Variants in SIL1 observed in about 807,000 individuals in gnomAD.
SIL1 encodes the protein SIL1 nucleotide exchange factor.
In SIL1, 40 loss-of-function variants were observed where a neutral mutation model predicts 49.1. The ratio of observed to expected loss-of-function variants is 0.81; its 90% CI spans 0.63 to 1.06. SIL1 has a LOEUF of 1.06. SIL1 is among the 50% of genes least tolerant of loss of function. The pLI, the probability that SIL1 is intolerant of heterozygous loss-of-function variation, is 0.00. For synonymous variants in SIL1, 253 were observed against 250.8 expected, an observed-to-expected ratio of 1.01 and a Z score of -0.08; for missense variants, 500 against 572.6, an observed-to-expected ratio of 0.87 and a Z score of 1.29.
At chr5:138,954,210 A>G (rs977365738) in intron 7 of SIL1, among the ~76,000 whole-genome samples, 5 of 152,246 alleles carry the variant, frequency 3.3e-5, no homozygotes, top group Non-Finnish European at 5.9e-5. Flanking sequence ...CCAACATCAG[A>G]TAAGTAAATC....
intron 7 of SIL1, among the ~76,000 whole-genome samples, chr5:139,011,430 G>A (rs1561827746): frequency 6.6e-6 from 1 of 152,182 alleles, no homozygotes; most frequent in East Asian, 1.9e-4. Context: ...CTTCTGCGTC[G>A]GTCACGCTGG....
chr5:139,188,332 G>C (rs1018321817), intron 1 of SIL1, among the ~76,000 whole-genome samples: 4 of 152,022 alleles, frequency 2.6e-5, no homozygotes, highest in Admixed American at 2.0e-4. Context: ...TACTGCAGAG[G>C]CTCGCTAAAA....
In SIL1 at chr5:139,194,930, CT is replaced by C. The variant is rs35417485; in HGVS notation, c.-11+3338del. Among the ~76,000 whole-genome samples the C allele has an allele frequency of 5.6e-3, 798 of 141,516 alleles. 1 individual carries two copies. Among genetic ancestry groups the C allele is most frequent in the Middle Eastern group, 0.011 (3 of 272 alleles). 92.8% of individuals were successfully genotyped at this position (141,516 alleles called of 152,430 possible). A position where few individuals can be genotyped will look rare whatever the true frequency, so the allele number is the denominator to read the frequency against. ...AAAAGGTACAACTTCCTTTCAGAGC[CT>C]TTTTTTTTTTTTTTGAGACAGAATC... On this transcript the variant is annotated intron_variant, in intron 1 of 9. Transcript: ENST00000394817.
At chr5:139,186,999 T>C (rs529690180) in intron 1 of SIL1, among the ~76,000 whole-genome samples, 1 of 152,356 alleles carries the variant, frequency 6.6e-6, no homozygotes, top group South Asian at 2.1e-4. Flanking sequence ...TAAGTTTTCA[T>C]GTAAACATCC....
In SIL1 at chr5:139,142,752, C is replaced by A. The variant is rs932459728; in HGVS notation, c.-10-14899G>T. On this transcript the variant is annotated intron_variant, in intron 1 of 9. Transcript: ENST00000394817. ...AGAACACGACAAAGATACCCACTTT[C>A]ACCACCTCTTTTACTTATTTATTTA... Among the ~76,000 whole-genome samples, 5 of 152,080 alleles carry A rather than the reference C, an allele frequency of 3.3e-5. No homozygotes were observed. In the East Asian group the frequency reaches 9.6e-4, roughly 29 times the overall value.
intron 5 of SIL1, among the ~76,000 whole-genome samples, chr5:139,042,357 C>T (rs1248333201): frequency 6.6e-6 from 1 of 152,144 alleles, no homozygotes; most frequent in Non-Finnish European, 1.5e-5. Flanking sequence ...CTCAGTGCCT[C>T]AATTTCTCCA....
chr5:139,028,195 C>T (rs1318310760), intron 5 of SIL1, among the ~76,000 whole-genome samples: 1 of 150,922 alleles, frequency 6.6e-6, no homozygotes, highest in Non-Finnish European at 1.5e-5. Flanking sequence ...CTCAAGAAGG[C>T]CTCAAAAAAA....
At chr5:139,001,510 G>A (rs1767982879) in intron 7 of SIL1, among the ~76,000 whole-genome samples, 1 of 152,130 alleles carries the variant, frequency 6.6e-6, no homozygotes, top group African/African-American at 2.4e-5. Flanking sequence ...AGCTGTACAC[G>A]GAGCTACATG....
chr5:138,997,947 T>C (rs1431116383), intron 7 of SIL1, among the ~76,000 whole-genome samples: 2 of 152,244 alleles, frequency 1.3e-5, no homozygotes, highest in South Asian at 2.1e-4. Context: ...CTGGGGTCTT[T>C]TGTAGTTCCA....
chr5:139,100,853 G>A (rs980601499), intron 3 of SIL1, among the ~76,000 whole-genome samples: 5 of 152,034 alleles, frequency 3.3e-5, no homozygotes, highest in African/African-American at 1.2e-4. Context: ...TTAAATTTAA[G>A]ATGCCTATCC....
intron 1 of SIL1, among the ~76,000 whole-genome samples, chr5:139,168,555 C>G (rs1421948430): frequency 6.6e-6 from 1 of 152,110 alleles, no homozygotes. Flanking sequence ...TGTTGCTCCT[C>G]CCAGCCCGGT....
At chr5:138,962,831 T>C (rs1168165930) in intron 7 of SIL1, among the ~76,000 whole-genome samples, 1 of 151,976 alleles carries the variant, frequency 6.6e-6, no homozygotes, top group Non-Finnish European at 1.5e-5. Context: ...AGGGAGAGAT[T>C]GGGAGGAAGG....
At chr5:139,010,595 T>C (rs1281090159) in intron 7 of SIL1, among the ~76,000 whole-genome samples, 3 of 150,160 alleles carry the variant, frequency 2.0e-5, no homozygotes, top group Admixed American at 2.0e-4. Context: ...TTTGTGGTTT[T>C]ATCTACTTTT....
At chr5:138,963,032 T>TA (rs1032584871) in intron 7 of SIL1, among the ~76,000 whole-genome samples, 5 of 152,164 alleles carry the variant, frequency 3.3e-5, no homozygotes, top group Admixed American at 3.3e-4. Context: ...AGCTAAAACA[T>TA]ACGGGAGATT....
At chr5:139,114,158 T>A (rs1232077978) in intron 3 of SIL1, among the ~76,000 whole-genome samples, 2 of 152,216 alleles carry the variant, frequency 1.3e-5, no homozygotes. Context: ...TGCTTTGGTG[T>A]CAGAGCAGAA....
At chr5:139,087,317 G>A (rs918363596) in intron 3 of SIL1, among the ~76,000 whole-genome samples, 2 of 152,170 alleles carry the variant, frequency 1.3e-5, no homozygotes, top group African/African-American at 2.4e-5. Context: ...AATCAAAGGG[G>A]TTGGTAAGTA....
At chr5:138,963,967 T>C (rs1225816603) in intron 7 of SIL1, among the ~76,000 whole-genome samples, 1 of 152,190 alleles carries the variant, frequency 6.6e-6, no homozygotes, top group Non-Finnish European at 1.5e-5. Flanking sequence ...CACTGGAGGC[T>C]GAGAAAAATA....
chr5:139,116,330 T>G (rs1770987727), intron 3 of SIL1, among the ~76,000 whole-genome samples: 1 of 152,194 alleles, frequency 6.6e-6, no homozygotes, highest in South Asian at 2.1e-4. Context: ...TTTTTCCCCC[T>G]CACATGAACG....
At chr5:139,130,477 TAAC>T (rs1023591369) in intron 1 of SIL1, among the ~76,000 whole-genome samples, 6 of 152,080 alleles carry the variant, frequency 3.9e-5, no homozygotes, top group African/African-American at 1.4e-4. Context: ...TTAAGTAAAA[TAAC>T]AAGTGTTGGT....
Sources: allele counts gnomAD v4.1 joint callset (sites outside exome capture counted in the v4.1 genomes callset), GRCh38; gene constraint gnomAD v4.1.1; transcripts MANE v1.5; gene names NCBI Gene and HGNC (gene_info 2026-07-23, HGNC 2026-07-21).